The following HBEGF variants were observed in gnomAD, a reference collection of about 807,000 sequenced individuals.
The protein encoded by HBEGF is proheparin-binding EGF-like growth factor.
A neutral mutation model predicts 19.5 loss-of-function variants in HBEGF; 8 were observed. The observed-to-expected ratio is 0.41, with a 90% CI of 0.24 to 0.74. HBEGF has a LOEUF of 0.74. Among genes scored for constraint, HBEGF ranks in the 30% least tolerant of loss-of-function variants. The probability of loss-of-function intolerance (pLI) is 0.32; values close to 1 mark genes in which losing one functional copy is unlikely to be tolerated. For synonymous variants in HBEGF, 97 were observed against 108.9 expected, an observed-to-expected ratio of 0.89 and a Z score of 0.68; for missense variants, 207 against 256.9, an observed-to-expected ratio of 0.81 and a Z score of 1.33.
intron 2 of HBEGF, chr5:140,343,187 T>C (rs986921709): frequency 1.2e-4 from 24 of 199,728 alleles, no homozygotes; most frequent in Non-Finnish European, 2.3e-4. Flanking sequence ...CATTCTATTT[T>C]GGCCTTCAAT....
Position 140,346,412 on chromosome 5 carries a change from G to T in HBEGF, c.-84C>A. 1 of 1,457,112 alleles carries T rather than the reference G, an allele frequency of 6.9e-7. No individual in the cohort carries two copies. The highest frequency in any genetic ancestry group is 9.4e-7 in the Non-Finnish European group (1 of 1,067,460). The allele number at this position is 1,457,112 out of a possible 1,614,324, so 90.3% of individuals were successfully genotyped here. A position where few individuals can be genotyped will look rare whatever the true frequency, so the allele number is the denominator to read the frequency against. On this transcript the variant is annotated 5_prime_UTR_variant, in exon 1 of 6. Transcript: ENST00000230990. The surrounding 1 kb of genome is among the most constrained non-coding windows in gnomAD (Gnocchi z 6.1). ...GGCGCTGGCACCAGAGCTGGGCGGC[G>T]GAGCTCAGGAGATTCCGCCGGGCAC...
intron 4 of HBEGF, among the ~76,000 whole-genome samples, chr5:140,335,418 G>T (rs4150230): frequency 3.3e-5 from 5 of 150,422 alleles, no homozygotes; most frequent in Admixed American, 6.6e-5. Context: ...AAAGAAAACA[G>T]GCATAGAGTG....
At chr5:140,345,639 G>A (rs967422655) in intron 2 of HBEGF, among the ~76,000 whole-genome samples, 3 of 152,124 alleles carry the variant, frequency 2.0e-5, no homozygotes, top group African/African-American at 4.8e-5. Context: ...GCTTACCTAA[G>A]AAGAACGTAA....
rs201797651 is a variant in HBEGF at position 140,345,962 on chromosome 5, G to A, written c.169C>T (p.Arg57Trp). The A allele has an allele frequency of 1.1e-5, 18 of 1,614,112 alleles. No individual in the cohort carries two copies. Among genetic ancestry groups the A allele is most frequent in the East Asian group, 2.2e-5 (1 of 44,878 alleles). ...TGCAAGTCACGGACTTTCCGGTCCC[G>A]GCCGCCTCCTAGGGGTAGCAGCTGG... ...TDQLLPLGGG[R>W]DRKVRDLQEA... Residue 57 changes from arginine to tryptophan, a missense_variant, in exon 2 of 6, where the codon CGG (arginine) becomes TGG (tryptophan). Coordinates refer to ENST00000230990, the MANE Select transcript of HBEGF (RefSeq NM_001945.3).
At chr5:140,334,428 G>A in intron 5 of HBEGF, 148 bp from the exon 6 acceptor site, 1 of 521,784 alleles carries the variant, frequency 1.9e-6, no homozygotes, top group Non-Finnish European at 3.4e-6. Flanking sequence ...GAAGGGAGGG[G>A]ATGAGGGTGG....
chr5:140,346,379 G>C lies in HBEGF; in HGVS notation c.-51C>G, dbSNP rs1024173686. On this transcript the variant is annotated 5_prime_UTR_variant, in exon 1 of 6. Coordinates refer to ENST00000230990, the MANE Select transcript of HBEGF (RefSeq NM_001945.3). This position sits in a 1 kb window ranked among gnomAD's most constrained non-coding sequence, Gnocchi z 6.1. ...AGGCACCAGTCACTTTCGAAGCGGC[G>C]GCCACTGGGCGCTGGCACCAGAGCT... 1.3e-6 allele frequency: 2 copies of C among 1,574,008 alleles called. No homozygotes were observed. The highest frequency in any genetic ancestry group is 1.7e-6 in the Non-Finnish European group (2 of 1,159,102).
intron 3 of HBEGF, among the ~76,000 whole-genome samples, chr5:140,339,527 A>G (rs1295866896): frequency 1.3e-5 from 2 of 151,740 alleles, no homozygotes; most frequent in Non-Finnish European, 1.5e-5. Context: ...CTAGTAGCTG[A>G]GATTACAGGC....
Position 140,346,446 on chromosome 5 carries a change from G to T in HBEGF, c.-118C>A, listed in dbSNP as rs1484384382. The T allele has an allele frequency of 4.5e-6, 5 of 1,105,406 alleles. No homozygotes were observed. Among genetic ancestry groups the T allele is most frequent in the African/African-American group, 1.6e-5 (1 of 64,408 alleles). 68.5% of individuals were successfully genotyped at this position (1,105,406 alleles called of 1,614,324 possible). On this transcript the variant is annotated 5_prime_UTR_variant, in exon 1 of 6. Transcript: ENST00000230990. The surrounding 1 kb of genome is among the most constrained non-coding windows in gnomAD (Gnocchi z 6.1). ...GAGATTCCGCCGGGCACCGTCTGCC[G>T]CCCGCCTCTGCGTGCAAGCCTGGCC...
intron 5 of HBEGF, 114 bp from the exon 6 acceptor site, chr5:140,334,394 C>A (rs540576093): frequency 4.0e-5 from 18 of 454,352 alleles, no homozygotes; most frequent in Non-Finnish European, 6.2e-5. Flanking sequence ...TTCACTCTGT[C>A]TCCCAGGGGA....
intron 3 of HBEGF, 150 bp from the exon 4 acceptor site, chr5:140,336,177 T>G: frequency 1.4e-6 from 1 of 739,270 alleles, no homozygotes; most frequent in Non-Finnish European, 2.2e-6. Context: ...CCTTCTCCTC[T>G]AGTAGAAAAC....
chr5:140,336,022 T>C lies in HBEGF; in HGVS notation c.404A>G (p.His135Arg). Residue 135 changes from histidine to arginine, a missense_variant, in exon 4 of 6, where the codon CAC (histidine) becomes CGC (arginine). Physicochemically the swap from His to Arg is conservative, Grantham distance 29. Transcript: ENST00000230990. Reference sequence around the variant, plus strand: ...ACACCTCTCTCCATGGTAACCCGGGTGGCAGCTAGTTCAAGACAGAACAAG... The same window carrying C: ...ACACCTCTCTCCATGGTAACCCGGGCGGCAGCTAGTTCAAGACAGAACAAG... ...KELRAPSCIC[H>R]PGYHGERCHG... 6 of 1,613,604 alleles carry C rather than the reference T, an allele frequency of 3.7e-6. No homozygotes were observed. The highest frequency in any genetic ancestry group is 3.4e-6 in the Non-Finnish European group (4 of 1,179,716).
At chr5:140,345,802 C>G in intron 2 of HBEGF, 109 bp downstream of exon 2, 3 of 1,344,470 alleles carry the variant, frequency 2.2e-6, no homozygotes, top group Non-Finnish European at 2.1e-6. Context: ...CCCCGAGGTT[C>G]TCCATGAATA....
At chr5:140,342,963 G>A in intron 2 of HBEGF, 151 bp from the exon 3 acceptor site, 1 of 709,584 alleles carries the variant, frequency 1.4e-6, no homozygotes, top group South Asian at 1.9e-5. Context: ...AGAGGCAGAA[G>A]GAAGAGCAGG....
chr5:140,346,499 G>A lies in HBEGF; in HGVS notation c.-171C>T. 1 of 739,240 alleles carries A rather than the reference G, an allele frequency of 1.4e-6. No homozygotes were observed. The highest frequency in any genetic ancestry group is 1.7e-5 in the South Asian group (1 of 60,424). The allele number at this position is 739,240 out of a possible 1,614,324, so 45.8% of individuals were successfully genotyped here. A position where few individuals can be genotyped will look rare whatever the true frequency, so the allele number is the denominator to read the frequency against. On this transcript the variant is annotated 5_prime_UTR_variant, in exon 1 of 6. Coordinates refer to ENST00000230990, the MANE Select transcript of HBEGF (RefSeq NM_001945.3). The surrounding 1 kb of genome is among the most constrained non-coding windows in gnomAD (Gnocchi z 6.1). ...GACCCAGGCGCAGCTCGCTCTTCTT[G>A]AGTGTCTTGTCTTGCTCACTCAGCC... is the stretch of plus-strand genomic sequence containing the variant.
intron 3 of HBEGF, among the ~76,000 whole-genome samples, chr5:140,340,740 C>T (rs1766298774): frequency 6.6e-6 from 1 of 152,016 alleles, no homozygotes; most frequent in African/African-American, 2.4e-5. Flanking sequence ...TGCCCTCTGC[C>T]CTCTATAAAA....
Position 140,338,938 on chromosome 5 carries a change from C to T in HBEGF, c.399-2911G>A, listed in dbSNP as rs35630316. Among the ~76,000 whole-genome samples the T allele has an allele frequency of 1.5e-3, 236 of 152,314 alleles. 1 individual carries two copies. The highest frequency in any genetic ancestry group is 2.4e-3 in the Non-Finnish European group (162 of 68,022). Reference sequence around the variant, plus strand: ...GGAGACTGAGTGCATGAGTTCCAGACTGGTTCTGCTGCTATTTCTAGCCAG... The same window carrying T: ...GGAGACTGAGTGCATGAGTTCCAGATTGGTTCTGCTGCTATTTCTAGCCAG... On this transcript the variant is annotated intron_variant, in intron 3 of 5. Coordinates refer to ENST00000230990, the MANE Select transcript of HBEGF (RefSeq NM_001945.3).
At chr5:140,336,674 AG>A (rs1766231873) in intron 3 of HBEGF, among the ~76,000 whole-genome samples, 1 of 152,172 alleles carries the variant, frequency 6.6e-6, no homozygotes, top group African/African-American at 2.4e-5. Flanking sequence ...CTGAGCTACC[AG>A]GCCTCTTTCA....
Position 140,346,568 on chromosome 5 carries a change from C to T in HBEGF, c.-240G>A, listed in dbSNP as rs1766404346. On this transcript the variant is annotated 5_prime_UTR_variant, in exon 1 of 6. Transcript: ENST00000230990. The surrounding 1 kb of genome is among the most constrained non-coding windows in gnomAD (Gnocchi z 6.1). Reference sequence around the variant, plus strand: ...ACCCCGCGCGCCTAGGTCAGGCCAGCCAGCAGCGTGGCCCGCGTAGCTCCT... The same window carrying T: ...ACCCCGCGCGCCTAGGTCAGGCCAGTCAGCAGCGTGGCCCGCGTAGCTCCT... 1.8e-6 allele frequency: 1 copy of T among 567,950 alleles called. No homozygotes were observed. Among genetic ancestry groups the T allele is most frequent in the Non-Finnish European group, 3.1e-6 (1 of 321,438 alleles). The allele number at this position is 567,950 out of a possible 1,614,324, so 35.2% of individuals were successfully genotyped here.
chr5:140,342,618 G>T lies in HBEGF; in HGVS notation c.398+17C>A. 6.2e-7 allele frequency: 1 copy of T among 1,612,680 alleles called. No individual in the cohort carries two copies. The highest frequency in any genetic ancestry group is 8.5e-7 in the Non-Finnish European group (1 of 1,178,876). On this transcript the variant is annotated intron_variant, in intron 3 of 5. Transcript: ENST00000230990. Reference sequence around the variant, plus strand: ...AAGTGTGCTGATGAGATTCAGCCCTGGGGAAGGGGCACTTACATGCAGGAG... The same window carrying T: ...AAGTGTGCTGATGAGATTCAGCCCTTGGGAAGGGGCACTTACATGCAGGAG...
Sources: allele counts gnomAD v4.1 joint callset (sites outside exome capture counted in the v4.1 genomes callset), GRCh38; gene constraint gnomAD v4.1.1; non-coding constraint Gnocchi (gnomAD v3.1); transcripts MANE v1.5; gene names NCBI Gene and HGNC (gene_info 2026-07-23, HGNC 2026-07-21).